The following IRAK4 variants were observed in gnomAD, a reference collection of about 807,000 sequenced individuals.
IRAK4 encodes the protein interleukin-1 receptor-associated kinase 4.
In IRAK4, 44 loss-of-function variants were observed where a neutral mutation model predicts 51.8. The ratio of observed to expected loss-of-function variants is 0.85; its 90% CI spans 0.67 to 1.09. The LOEUF is 1.09. IRAK4 is among the 50% of genes least tolerant of loss of function. The pLI is 0.00. For synonymous variants in IRAK4, 149 were observed against 174.1 expected (o/e 0.86, Z 1.13); for missense variants, 487 against 538.0 (o/e 0.91, Z 0.94).
intron 3 of IRAK4, among the ~76,000 whole-genome samples, 166 bp from the exon 4 acceptor site, chr12:43,772,014 T>A (rs1380783493): frequency 6.6e-6 from 1 of 152,206 alleles, no homozygotes; most frequent in Non-Finnish European, 1.5e-5. Flanking sequence ...CCATCTTCAT[T>A]ATAACTTACA....
intron 10 of IRAK4, among the ~76,000 whole-genome samples, chr12:43,786,039 A>C (rs1592266303): frequency 7.1e-6 from 1 of 140,488 alleles, no homozygotes. Context: ...TATGTCTTCA[A>C]TTTTTTTTTT....
rs1270669227 is a variant in IRAK4, at chr12:43,787,279, A to T, written c.*564A>T. The T allele has an allele frequency of 6.5e-6, 1 of 153,178 alleles. No individual in the cohort carries two copies. The highest frequency in any genetic ancestry group is 1.5e-5 in the Non-Finnish European group (1 of 68,740). 9.5% of individuals were successfully genotyped at this position (153,178 alleles called of 1,614,324 possible). A position where few individuals can be genotyped will look rare whatever the true frequency, so the allele number is the denominator to read the frequency against. ...TATATTTATAGATTGTGTTCACAGCAATCATTTAACCACAAATAAAATATC... is the reference window on the plus strand; with the variant it reads ...TATATTTATAGATTGTGTTCACAGCTATCATTTAACCACAAATAAAATATC... On this transcript the variant is annotated 3_prime_UTR_variant, in exon 12 of 12. Coordinates refer to ENST00000613694, the MANE Select transcript of IRAK4 (RefSeq NM_016123.4).
chr12:43,776,134 G>A (rs934319433), intron 6 of IRAK4, among the ~76,000 whole-genome samples: 1 of 151,734 alleles, frequency 6.6e-6, no homozygotes, highest in Admixed American at 6.6e-5. Flanking sequence ...TGCCTGCCTC[G>A]GCTGGGAATA....
chr12:43,779,186 C>G (rs941860082), intron 8 of IRAK4, among the ~76,000 whole-genome samples: 1 of 151,998 alleles, frequency 6.6e-6, no homozygotes, highest in Admixed American at 6.6e-5. Context: ...AGGCTTGAGC[C>G]CAGGAGTTCA....
chr12:43,775,874 CTTTTTTTTTTTTT>C (rs770553873), intron 6 of IRAK4, among the ~76,000 whole-genome samples: 1 of 90,530 alleles, frequency 1.1e-5, no homozygotes, highest in African/African-American at 5.0e-5. Flanking sequence ...AATATCATTA[CTTTTTTTTTTTTT>C]TTTTTTTTTT....
chr12:43,777,547 T>C (rs1941396348), intron 6 of IRAK4, 83 bp from the exon 7 acceptor site: 9 of 1,292,772 alleles, frequency 7.0e-6, no homozygotes, highest in African/African-American at 1.5e-5. Context: ...TCTTTTTTTC[T>C]ATTAAAACTT....
intron 1 of IRAK4, among the ~76,000 whole-genome samples, chr12:43,767,860 C>T (rs1319547743): frequency 2.0e-5 from 3 of 152,010 alleles, no homozygotes. Flanking sequence ...AGAAAAAAGT[C>T]CTCCGATTTT....
Position 43,768,196 on chromosome 12 carries a change from CAAG to C in IRAK4, c.89_91del (p.Glu30del). 6.2e-7 allele frequency: 1 copy of C among 1,612,916 alleles called. No homozygotes were observed. The highest frequency in any genetic ancestry group is 8.5e-7 in the Non-Finnish European group (1 of 1,179,110). On this transcript the variant is annotated inframe_deletion, in exon 2 of 12. Transcript: ENST00000613694. Reference sequence around the variant, plus strand: ...GAAGCTGTCAGATTTTATTGATCCTCAAGAAGGATGGAAGAAGTTAGCTGTAGC... The same window carrying C: ...GAAGCTGTCAGATTTTATTGATCCTCAAGGATGGAAGAAGTTAGCTGTAGC...
At chr12:43,768,996 TAAG>T (rs964892994) in intron 2 of IRAK4, among the ~76,000 whole-genome samples, 1 of 152,334 alleles carries the variant, frequency 6.6e-6, no homozygotes, top group Non-Finnish European at 1.5e-5. Context: ...TATTTCCTCA[TAAG>T]AAGAGCGAAC....
At chr12:43,770,153 G>A in intron 2 of IRAK4, among the ~76,000 whole-genome samples, 1 of 152,082 alleles carries the variant, frequency 6.6e-6, no homozygotes, top group East Asian at 1.9e-4. Flanking sequence ...ATTTTTAAAT[G>A]TTACTTTTCA....
chr12:43,788,231 A>G lies in IRAK4; in HGVS notation c.*1516A>G, dbSNP rs924118620. 3 of 152,376 alleles carry G rather than the reference A, an allele frequency of 2.0e-5. No homozygotes were observed. Among genetic ancestry groups the G allele is most frequent in the African/African-American group, 7.2e-5 (3 of 41,586 alleles). 9.4% of individuals were successfully genotyped at this position (152,376 alleles called of 1,614,324 possible). ...GGGGTATGTGGAAATTATACAGAGCATGTACAGCGGGAGGCTTATAGTGTA... is the reference window on the plus strand; with the variant it reads ...GGGGTATGTGGAAATTATACAGAGCGTGTACAGCGGGAGGCTTATAGTGTA... On this transcript the variant is annotated 3_prime_UTR_variant, in exon 12 of 12. Transcript: ENST00000613694.
chr12:43,770,362 T>C (rs1486170357), intron 2 of IRAK4, among the ~76,000 whole-genome samples: 1 of 152,168 alleles, frequency 6.6e-6, no homozygotes, highest in Non-Finnish European at 1.5e-5. Flanking sequence ...TGGGAAGTAA[T>C]ATTGCTAGTA....
intron 5 of IRAK4, 29 bp downstream of exon 5, chr12:43,773,101 A>C: frequency 6.2e-7 from 1 of 1,601,546 alleles, no homozygotes; most frequent in Non-Finnish European, 8.5e-7. Flanking sequence ...AATAAAAAGA[A>C]AGAGTTGCTT....
rs1232277231 is a variant in IRAK4, at chr12:43,773,982, T to C, written c.669T>C (p.Thr223=). 1.2e-6 allele frequency: 2 copies of C among 1,605,792 alleles called. No homozygotes were observed. Among genetic ancestry groups the C allele is most frequent in the Non-Finnish European group, 1.7e-6 (2 of 1,173,442 alleles). The part of the protein sequence containing the change: ...KKLAAMVDIT[T]EELKQQFDQE... Reference sequence around the variant, plus strand: ...TTTTTCAGATGGTTGACATTACTACTGAAGAACTGAAACAGCAGTTTGATC... The same window carrying C: ...TTTTTCAGATGGTTGACATTACTACCGAAGAACTGAAACAGCAGTTTGATC... The change falls in exon 6 of 12, where the codon ACT becomes ACC. Residue 223 remains threonine, a synonymous_variant. Coordinates refer to ENST00000613694, the MANE Select transcript of IRAK4 (RefSeq NM_016123.4).
intron 8 of IRAK4, among the ~76,000 whole-genome samples, chr12:43,780,895 ATAT>A (rs1941724584): frequency 6.6e-6 from 1 of 152,052 alleles, no homozygotes; most frequent in African/African-American, 2.4e-5. Flanking sequence ...TTGCTGAGTG[ATAT>A]TATGTTAATT....
At chr12:43,781,767 A>T (rs1259549717) in intron 8 of IRAK4, among the ~76,000 whole-genome samples, 1 of 152,252 alleles carries the variant, frequency 6.6e-6, no homozygotes, top group South Asian at 2.1e-4. Context: ...GATTGTGTTG[A>T]ATTAAAGTAT....
At chr12:43,765,674 T>C (rs1449235101) in intron 1 of IRAK4, among the ~76,000 whole-genome samples, 1 of 152,058 alleles carries the variant, frequency 6.6e-6, no homozygotes, top group Non-Finnish European at 1.5e-5. Flanking sequence ...TTGCACGATA[T>C]GCATTTTCCA....
chr12:43,776,142 A>T (rs4251489), intron 6 of IRAK4, among the ~76,000 whole-genome samples: 22,256 of 151,952 alleles, frequency 0.15, 2,140 homozygotes, highest in African/African-American at 0.27. Context: ...TCGGCTGGGA[A>T]TACAGGCGTG....
At chr12:43,771,964 C>T (rs945555345) in intron 3 of IRAK4, among the ~76,000 whole-genome samples, 2 of 152,168 alleles carry the variant, frequency 1.3e-5, no homozygotes, top group Non-Finnish European at 2.9e-5. Flanking sequence ...ATAGGTGGCT[C>T]ATGGATCACT....
Sources: allele counts gnomAD v4.1 joint callset (sites outside exome capture counted in the v4.1 genomes callset), GRCh38; gene constraint gnomAD v4.1.1; transcripts MANE v1.5; gene names NCBI Gene and HGNC (gene_info 2026-07-23, HGNC 2026-07-21).